UPF3A: variants seen among roughly 807,000 people sequenced by gnomAD.
UPF3A encodes regulator of nonsense transcripts 3A.
Under a neutral mutation model 53.5 loss-of-function variants are expected in UPF3A, and 42 were observed. The ratio of observed to expected loss-of-function variants is 0.78; its 90% CI spans 0.61 to 1.01. The LOEUF (loss-of-function observed/expected upper bound fraction) is 1.01, where lower values mean the gene tolerates loss of function less well. Among genes scored for constraint, UPF3A ranks in the 50% least tolerant of loss-of-function variants. UPF3A has a pLI of 0.00. For synonymous variants in UPF3A, 237 were observed against 225.3 expected, an observed-to-expected ratio of 1.05 and a Z score of -0.47; for missense variants, 575 against 598.0, an observed-to-expected ratio of 0.96 and a Z score of 0.40.
chr13:114,303,109 A>C (rs2086743171), intron 9 of UPF3A, among the ~76,000 whole-genome samples: 1 of 152,124 alleles, frequency 6.6e-6, no homozygotes, highest in Non-Finnish European at 1.5e-5. Context: ...TAAAAAAAAA[A>C]AGTTTCAGTG....
intron 7 of UPF3A, among the ~76,000 whole-genome samples, chr13:114,295,440 T>TCCCCAGCTC (rs1428533721): frequency 1.4e-4 from 21 of 151,246 alleles, no homozygotes; most frequent in African/African-American, 3.2e-4. Flanking sequence ...TCTGGCCTGC[T>TCCCCAGCTC]GGTTTCTCAT....
intron 8 of UPF3A, among the ~76,000 whole-genome samples, chr13:114,299,560 G>T (rs1221282654): frequency 3.9e-5 from 6 of 152,194 alleles, no homozygotes; most frequent in Non-Finnish European, 8.8e-5. Context: ...TGTGCACTGT[G>T]GGTCCTCCCT....
At chr13:114,303,010 G>T (rs569232325) in intron 9 of UPF3A, among the ~76,000 whole-genome samples, 1 of 152,290 alleles carries the variant, frequency 6.6e-6, no homozygotes, top group East Asian at 1.9e-4. Flanking sequence ...TGAGGCAGGA[G>T]AATTGCTTGA....
intron 7 of UPF3A, among the ~76,000 whole-genome samples, chr13:114,293,095 A>AT (rs1429883639): frequency 1.3e-3 from 174 of 131,846 alleles, no homozygotes; most frequent in African/African-American, 5.3e-3. Context: ...AAAAAAAAAA[A>AT]TTTCCTGGCC....
Position 114,281,636 on chromosome 13 carries a change from C to G in UPF3A, c.-4C>G. 1 of 1,459,234 alleles carries G rather than the reference C, an allele frequency of 6.9e-7. No homozygotes were observed. The highest frequency in any genetic ancestry group is 9.0e-7 in the Non-Finnish European group (1 of 1,106,310). 90.4% of individuals were successfully genotyped at this position (1,459,234 alleles called of 1,614,324 possible). A position where few individuals can be genotyped will look rare whatever the true frequency, so the allele number is the denominator to read the frequency against. ...GGCGGCTGCGGCTCGGCGGAGAGTG[C>G]GGCATGCGCTCGGAAAAGGAGGGGG... On this transcript the variant is annotated 5_prime_UTR_variant, in exon 1 of 10. Coordinates refer to ENST00000375299, the MANE Select transcript of UPF3A (RefSeq NM_023011.4).
intron 5 of UPF3A, among the ~76,000 whole-genome samples, chr13:114,289,602 T>C (rs2085080409): frequency 6.6e-6 from 1 of 152,110 alleles, no homozygotes; most frequent in South Asian, 2.1e-4. Context: ...CTCCAGTGGA[T>C]TCTTCTGCAC....
intron 2 of UPF3A, 162 bp downstream of exon 2, chr13:114,282,289 G>T: frequency 1.2e-6 from 1 of 833,412 alleles, no homozygotes; most frequent in Non-Finnish European, 1.8e-6. Flanking sequence ...TTCCGTCAAA[G>T]AAAAATACCA....
chr13:114,284,900 C>T (rs995761846), intron 3 of UPF3A, among the ~76,000 whole-genome samples: 1 of 152,236 alleles, frequency 6.6e-6, no homozygotes, highest in African/African-American at 2.4e-5. Flanking sequence ...CGATTCCCCC[C>T]ACATTGGCCT....
At chr13:114,287,773 T>G (rs987575547) in intron 5 of UPF3A, among the ~76,000 whole-genome samples, 1 of 152,152 alleles carries the variant, frequency 6.6e-6, no homozygotes, top group Non-Finnish European at 1.5e-5. Flanking sequence ...AAAAAAAGAT[T>G]AATATTACTG....
At chr13:114,299,127 C>A in intron 8 of UPF3A, 127 bp downstream of exon 8, 1 of 942,250 alleles carries the variant, frequency 1.1e-6, no homozygotes, top group Non-Finnish European at 1.5e-6. Context: ...TGCGAGTACA[C>A]GTTAGCCTTC....
intron 9 of UPF3A, among the ~76,000 whole-genome samples, chr13:114,304,098 A>T (rs1159141398): frequency 6.6e-6 from 1 of 152,178 alleles, no homozygotes; most frequent in Non-Finnish European, 1.5e-5. Flanking sequence ...ATAGGCAGGG[A>T]GCGGGAGGCG....
chr13:114,286,590 C>T lies in UPF3A; in HGVS notation c.592C>T (p.Leu198=). The change falls in exon 5 of 10, where the codon CTG becomes TTG. Residue 198 remains leucine, a synonymous_variant. Coordinates refer to ENST00000375299, the MANE Select transcript of UPF3A (RefSeq NM_023011.4). ...EEKTSANPET[L]LGEMEAKTRE... is the part of the protein sequence containing the mutation. ...GAAGACCAGTGCCAACCCTGAGACT[C>T]TGCTGGGGGAGATGGAGGCGAAGAC... The T allele has an allele frequency of 1.2e-6, 2 of 1,613,780 alleles. No individual in the cohort carries two copies. The highest frequency in any genetic ancestry group is 1.7e-4 in the Middle Eastern group (1 of 6,050).
At position 114,304,947 on chromosome 13, in the gene UPF3A, G is replaced by A. The variant is rs370239604; in HGVS notation, c.*30G>A. 2.3e-5 allele frequency: 37 copies of A among 1,602,158 alleles called. No homozygotes were observed. Among genetic ancestry groups the A allele is most frequent in the Middle Eastern group, 1.9e-4 (1 of 5,332 alleles). ...CTGCACGCACCTGGCCTCCATGGAC[G>A]AGCAAGGGCATCCCAGAAACGTGTA... On this transcript the variant is annotated 3_prime_UTR_variant, in exon 10 of 10. Coordinates refer to ENST00000375299, the MANE Select transcript of UPF3A (RefSeq NM_023011.4).
chr13:114,284,383 ATGTG>A (rs35035838), intron 3 of UPF3A, among the ~76,000 whole-genome samples: 2 of 150,476 alleles, frequency 1.3e-5, no homozygotes, highest in East Asian at 3.9e-4. Context: ...GTGTATGTAT[ATGTG>A]TGTGTGTGTG....
At chr13:114,303,122 G>A (rs1483411165) in intron 9 of UPF3A, among the ~76,000 whole-genome samples, 2 of 152,068 alleles carry the variant, frequency 1.3e-5, no homozygotes, top group Non-Finnish European at 2.9e-5. Context: ...TTTCAGTGAA[G>A]TCAAGGCTGA....
rs778656716 is a variant in UPF3A at position 114,281,735 on chromosome 13, G to C, written c.96G>C (p.Gln32His). Residue 32 changes from glutamine (Q) to histidine (H), a missense_variant, in exon 1 of 10, where the codon CAG (glutamine) becomes CAC (histidine). By Grantham distance (24) the Gln-to-His change is conservative. Coordinates refer to ENST00000375299, the MANE Select transcript of UPF3A (RefSeq NM_023011.4). ...AGAAGCTGTCGGCCCTAGAAGTGCA[G>C]TTCCACCGCGACTCGCAGCAGCAGG... Reference protein sequence around the residue: ...GREKLSALEVQFHRDSQQQEA... With the variant: ...GREKLSALEVHFHRDSQQQEA... 1.3e-6 allele frequency: 2 copies of C among 1,558,090 alleles called. No homozygotes were observed. Among genetic ancestry groups the C allele is most frequent in the Non-Finnish European group, 1.7e-6 (2 of 1,151,882 alleles).
intron 7 of UPF3A, 87 bp from the exon 8 acceptor site, chr13:114,298,753 T>C: frequency 7.8e-7 from 1 of 1,277,650 alleles, no homozygotes; most frequent in Non-Finnish European, 1.0e-6. Flanking sequence ...GGCTTCAATA[T>C]TGGGGTATAT....
chr13:114,285,870 A>G (rs1165178939), intron 3 of UPF3A: 1 of 158,450 alleles, frequency 6.3e-6, no homozygotes, highest in African/African-American at 2.4e-5. Context: ...CTAAGAAATC[A>G]TTATTTAAAG....
chr13:114,282,033 C>G lies in UPF3A; in HGVS notation c.220C>G (p.Arg74Gly). 6.4e-7 allele frequency: 1 copy of G among 1,559,882 alleles called. No individual in the cohort carries two copies. The highest frequency in any genetic ancestry group is 8.7e-7 in the Non-Finnish European group (1 of 1,154,250). The change falls in exon 2 of 10, where the codon CGC becomes GGC. Residue 74 changes from arginine to glycine, a missense_variant. Coordinates refer to ENST00000375299, the MANE Select transcript of UPF3A (RefSeq NM_023011.4). ...RTALSKVVIRRLPPGLTKEQL... is the reference protein window; with the variant it reads ...RTALSKVVIRGLPPGLTKEQL... ...GCGCTCCCCGCAGGTGGTCATCCGC[C>G]GCCTGCCTCCGGGCCTCACCAAGGA...
Sources: allele counts gnomAD v4.1 joint callset (sites outside exome capture counted in the v4.1 genomes callset), GRCh38; gene constraint gnomAD v4.1.1; transcripts MANE v1.5; gene names NCBI Gene and HGNC (gene_info 2026-07-23, HGNC 2026-07-21).